PCDHGA7: variants seen among roughly 807,000 people sequenced by gnomAD.
The protein encoded by PCDHGA7 is protocadherin gamma subfamily A, 7, also known as protocadherin gamma-A7.
Under a neutral mutation model 58.3 loss-of-function variants are expected in PCDHGA7, and 44 were observed. That is an observed-to-expected ratio of 0.75 (90% confidence interval 0.59 to 0.97). The LOEUF (loss-of-function observed/expected upper bound fraction) is 0.97, where lower values mean the gene tolerates loss of function less well. Ranked by LOEUF, PCDHGA7 falls within the 50% of genes least tolerant of loss-of-function variation. PCDHGA7 has a pLI of 0.00. For missense variants in PCDHGA7, 1,266 were observed against 1,188.7 expected (o/e 1.06, Z -0.96); for synonymous variants, 516 against 504.2 (o/e 1.02, Z -0.31).
At chr5:141,422,424 T>G (rs1182660567) in intron 1 of PCDHGA7, 3 of 1,607,958 alleles carry the variant, frequency 1.9e-6, no homozygotes, top group Non-Finnish European at 2.5e-6. Flanking sequence ...AAAAGACTTA[T>G]GGAAATTATT....
At chr5:141,391,886 A>C (rs2092436812) in intron 1 of PCDHGA7, 1 of 152,206 alleles carries the variant, frequency 6.6e-6, no homozygotes, top group Non-Finnish European at 1.5e-5. Flanking sequence ...GGTGAAAGGG[A>C]TGGGATGGAG....
chr5:141,510,400 TA>T (rs780031896), intron 3 of PCDHGA7, among the ~76,000 whole-genome samples: 12 of 151,920 alleles, frequency 7.9e-5, no homozygotes, highest in Non-Finnish European at 1.3e-4. Flanking sequence ...TGGCAAAGGC[TA>T]GGGGCATGTA....
Position 141,409,997 on chromosome 5 carries a change from G to A in PCDHGA7, c.2424+24674G>A. 1.9e-6 allele frequency: 3 copies of A among 1,613,224 alleles called. No homozygotes were observed. The African/African-American group carries it at 4.0e-5, about 22-fold the overall frequency. ...GGTGGTAGCGGTGGACGCCGACTCG[G>A]GACACAACGCCTGGCTGTCCTACCA... On this transcript the variant is annotated intron_variant, in intron 1 of 3. Coordinates refer to ENST00000518325, the MANE Select transcript of PCDHGA7 (RefSeq NM_018920.4).
rs1561869085 is a variant in PCDHGA7, at chr5:141,433,357, GCCTA to G, written c.2424+48035_2424+48038del. On this transcript the variant is annotated intron_variant, in intron 1 of 3. Transcript: ENST00000518325. ...TACAGGTGCAAGCCACCTACTGTCT[GCCTA>G]TCTATCTATCTATCTATCTATCTAT... is the stretch of plus-strand genomic sequence containing the variant. 3 of 568,974 alleles carry G rather than the reference GCCTA, an allele frequency of 5.3e-6. No homozygotes were observed. In the African/African-American group the frequency reaches 6.4e-5, roughly 12 times the overall value. The allele number at this position is 568,974 out of a possible 1,614,324, so 35.2% of individuals were successfully genotyped here.
rs372656276 is a variant in PCDHGA7, at chr5:141,415,107, A to G, written c.2424+29784A>G. ...TGCTGGACAGAGACGCGCTCAAGCA[A>G]AGCCTCGTAGTGGCCGTCCAGGACC... is the stretch of plus-strand genomic sequence containing the variant. On this transcript the variant is annotated intron_variant, in intron 1 of 3. Transcript: ENST00000518325. 1,052 of 1,613,570 alleles carry G rather than the reference A, an allele frequency of 6.5e-4. 7 individuals carry two copies. The African/African-American group carries it at 8.4e-3, about 13-fold the overall frequency.
rs530139788 is a variant in PCDHGA7, at chr5:141,509,165, C to A, written c.2573-1782C>A. On this transcript the variant is annotated intron_variant, in intron 3 of 3. Coordinates refer to ENST00000518325, the MANE Select transcript of PCDHGA7 (RefSeq NM_018920.4). ...TCCCGGCTCTCCCCTCCCGTGTGCC[C>A]TCCTCCTCTTATGCCGGCTTGAAAA... Among the ~76,000 whole-genome samples the A allele has an allele frequency of 1.4e-4, 21 of 152,332 alleles. No individual in the cohort carries two copies. In the South Asian group the frequency reaches 4.1e-3, roughly 30 times the overall value.
Position 141,432,951 on chromosome 5 carries a change from G to T in PCDHGA7, c.2424+47628G>T, listed in dbSNP as rs758046420. 1.2e-6 allele frequency: 2 copies of T among 1,614,178 alleles called. No individual in the cohort carries two copies. The highest frequency in any genetic ancestry group is 4.5e-5 in the East Asian group (2 of 44,858). On this transcript the variant is annotated intron_variant, in intron 1 of 3. Coordinates refer to ENST00000518325, the MANE Select transcript of PCDHGA7 (RefSeq NM_018920.4). This position sits in a 1 kb window ranked among gnomAD's most constrained non-coding sequence, Gnocchi z 6.0. ...CGCCTGCTGCAGGCTTCAGGAGGCGGCTTGACAGGAGCGCCGGCGTCGCAC... is the reference window on the plus strand; with the variant it reads ...CGCCTGCTGCAGGCTTCAGGAGGCGTCTTGACAGGAGCGCCGGCGTCGCAC...
rs1314252403 is a variant in PCDHGA7 at position 141,384,805 on chromosome 5, G to T, written c.1906G>T (p.Asp636Tyr). 1 of 1,613,506 alleles carries T rather than the reference G, an allele frequency of 6.2e-7. No homozygotes were observed. The highest frequency in any genetic ancestry group is 1.7e-5 in the Admixed American group (1 of 60,028). Reference sequence around the variant, plus strand: ...CACGGCTCGGGCCCTGCTGGACAGAGATGCCCTCAAGCAGAGCCTCGTGGT... The same window carrying T: ...CACGGCTCGGGCCCTGCTGGACAGATATGCCCTCAAGCAGAGCCTCGTGGT... The part of the protein sequence containing the change: ...VRTARALLDR[D>Y]ALKQSLVVAV... Residue 636 changes from aspartate to tyrosine, a missense_variant, in exon 1 of 4, where the codon GAT (aspartate) becomes TAT (tyrosine). Physicochemically the swap from Asp to Tyr is radical, Grantham distance 160. Coordinates refer to ENST00000518325, the MANE Select transcript of PCDHGA7 (RefSeq NM_018920.4).
intron 1 of PCDHGA7, chr5:141,478,553 T>G (rs1593930915): frequency 6.2e-7 from 1 of 1,602,704 alleles, no homozygotes; most frequent in Non-Finnish European, 8.5e-7. Context: ...ACAGGTAAGG[T>G]TTAGCAAGTC....
At chr5:141,475,871 A>G (rs568810142) in intron 1 of PCDHGA7, 17 of 513,152 alleles carry the variant, frequency 3.3e-5, no homozygotes, top group Middle Eastern at 5.1e-4. Context: ...TTCTTCGTGC[A>G]GTTATTGGCT....
rs1206130340 is a variant in PCDHGA7, at chr5:141,473,814, G to A, written c.2425-20993G>A. On this transcript the variant is annotated intron_variant, in intron 1 of 3. Coordinates refer to ENST00000518325, the MANE Select transcript of PCDHGA7 (RefSeq NM_018920.4). ...GTATGATGCTACTGAGGAGCAGCTG[G>A]ACAATTGTGTGATCCAATTAAAATT... Among the ~76,000 whole-genome samples, 5 of 152,188 alleles carry A rather than the reference G, an allele frequency of 3.3e-5. No individual in the cohort carries two copies. The East Asian group carries it at 9.6e-4, about 29-fold the overall frequency.
At position 141,491,752 on chromosome 5, in the gene PCDHGA7, G is replaced by C. The variant is rs1464731659; in HGVS notation, c.2425-3055G>C. 6 of 1,586,646 alleles carry C rather than the reference G, an allele frequency of 3.8e-6. No homozygotes were observed. The African/African-American group carries it at 8.1e-5, about 21-fold the overall frequency. On this transcript the variant is annotated intron_variant, in intron 1 of 3. Transcript: ENST00000518325. The surrounding 1 kb of genome is among the most constrained non-coding windows in gnomAD (Gnocchi z 6.9). ...GACCCCTGGGGGCGGCACTGGAGAA[G>C]CCGCCCGTCCTCATAAGGGATTGAA...
chr5:141,404,759 T>C, intron 1 of PCDHGA7: 2 of 1,613,632 alleles, frequency 1.2e-6, no homozygotes, highest in Non-Finnish European at 1.7e-6. Flanking sequence ...CCAGAATGCT[T>C]GGCTCTCCTA....
At chr5:141,423,701 G>A in intron 1 of PCDHGA7, 1 of 1,312,668 alleles carries the variant, frequency 7.6e-7, no homozygotes, top group Non-Finnish European at 9.9e-7. Flanking sequence ...TGGTGTCTTG[G>A]CACAAGTCTT....
At chr5:141,426,834 A>G (rs1561824131) in intron 1 of PCDHGA7, 1 of 456,724 alleles carries the variant, frequency 2.2e-6, no homozygotes, top group South Asian at 1.5e-5. Flanking sequence ...GATGGACAAG[A>G]CTAAAGGCAA....
chr5:141,419,564 C>A (rs2096400387), intron 1 of PCDHGA7: 5 of 1,611,832 alleles, frequency 3.1e-6, no homozygotes, highest in Non-Finnish European at 4.2e-6. Context: ...TGCGCTGGGT[C>A]CCGACGGCTC....
At position 141,491,099 on chromosome 5, in the gene PCDHGA7, T is replaced by C. The variant is rs1352561414; in HGVS notation, c.2425-3708T>C. 1 of 1,614,176 alleles carries C rather than the reference T, an allele frequency of 6.2e-7. No homozygotes were observed. ...CAGTCCACAGCCCCAGGACTGTTCC[T>C]CGTGTCTACACACACTGGTGAGGTG... On this transcript the variant is annotated intron_variant, in intron 1 of 3. Coordinates refer to ENST00000518325, the MANE Select transcript of PCDHGA7 (RefSeq NM_018920.4). The surrounding 1 kb of genome is among the most constrained non-coding windows in gnomAD (Gnocchi z 6.9).
intron 1 of PCDHGA7, chr5:141,427,650 G>A (rs1352503291): frequency 1.4e-6 from 1 of 718,312 alleles, no homozygotes; most frequent in Admixed American, 2.0e-5. Flanking sequence ...AGTCTCCTAC[G>A]TGGTCCACGT....
At chr5:141,445,575 G>A (rs571896159) in intron 1 of PCDHGA7, among the ~76,000 whole-genome samples, 18 of 152,262 alleles carry the variant, frequency 1.2e-4, no homozygotes, top group African/African-American at 4.3e-4. Flanking sequence ...CTTATAGTAG[G>A]GAAGCTTCGC....
Sources: allele counts gnomAD v4.1 joint callset (sites outside exome capture counted in the v4.1 genomes callset), GRCh38; gene constraint gnomAD v4.1.1; non-coding constraint Gnocchi (gnomAD v3.1); transcripts MANE v1.5; gene names NCBI Gene and HGNC (gene_info 2026-07-23, HGNC 2026-07-21).